WWOX: variants seen among roughly 807,000 people sequenced by gnomAD.
The protein encoded by WWOX is WW domain-containing oxidoreductase.
In WWOX, 69 loss-of-function variants were observed where a neutral mutation model predicts 46.2. That is an observed-to-expected ratio of 1.49 (90% CI 1.23 to 1.82). WWOX has a LOEUF of 1.82. Among genes scored for constraint, WWOX ranks in the 40% most tolerant of loss-of-function variants. The pLI is 0.00. For missense variants in WWOX, 919 were observed against 542.6 expected, an observed-to-expected ratio of 1.69 and a Z score of -6.89; for synonymous variants, 359 against 202.6, an observed-to-expected ratio of 1.77 and a Z score of -6.56.
At chr16:78,854,881 C>G (rs917065955) in intron 8 of WWOX, among the ~76,000 whole-genome samples, 3 of 149,064 alleles carry the variant, frequency 2.0e-5, no homozygotes, top group Non-Finnish European at 4.4e-5. Context: ...CGCGCCAGCT[C>G]TATTTGCTGA....
intron 8 of WWOX, among the ~76,000 whole-genome samples, chr16:79,108,570 T>G (rs2049354677): frequency 6.6e-6 from 1 of 152,206 alleles, no homozygotes; most frequent in Non-Finnish European, 1.5e-5. Flanking sequence ...TAAGGGTGAT[T>G]GGCTATTTTC....
chr16:78,470,170 C>T (rs1186023768), intron 8 of WWOX, among the ~76,000 whole-genome samples: 1 of 152,208 alleles, frequency 6.6e-6, no homozygotes, highest in Non-Finnish European at 1.5e-5. Flanking sequence ...CAGCACTGCC[C>T]TGCTGTTGTC....
At chr16:78,217,769 A>G (rs1167242312) in intron 5 of WWOX, among the ~76,000 whole-genome samples, 4 of 152,112 alleles carry the variant, frequency 2.6e-5, no homozygotes, top group African/African-American at 9.7e-5. Context: ...ATATGGGGGT[A>G]TAGGGATAAA....
At chr16:78,384,995 G>A (rs1367827857) in intron 5 of WWOX, among the ~76,000 whole-genome samples, 1 of 152,136 alleles carries the variant, frequency 6.6e-6, no homozygotes, top group African/African-American at 2.4e-5. Context: ...TAAGCTGGGT[G>A]TGTTGGCACG....
intron 8 of WWOX, among the ~76,000 whole-genome samples, chr16:78,946,870 A>G (rs2045959329): frequency 6.6e-6 from 1 of 152,126 alleles, no homozygotes; most frequent in Admixed American, 6.5e-5. Context: ...CGTGGCAAGG[A>G]CAAGAGGACA....
At chr16:79,055,227 G>T in intron 8 of WWOX, among the ~76,000 whole-genome samples, 1 of 152,014 alleles carries the variant, frequency 6.6e-6, no homozygotes. Flanking sequence ...CTGTTATTTT[G>T]GTTTATATTG....
intron 8 of WWOX, among the ~76,000 whole-genome samples, chr16:78,780,613 G>C (rs998320674): frequency 1.3e-5 from 2 of 152,294 alleles, no homozygotes; most frequent in East Asian, 3.9e-4. Context: ...AGGAAAGACA[G>C]GGAAGACCAT....
chr16:78,680,771 G>T (rs1445994056), intron 8 of WWOX, among the ~76,000 whole-genome samples: 3 of 152,172 alleles, frequency 2.0e-5, no homozygotes, highest in African/African-American at 7.2e-5. Flanking sequence ...TGGGTATGGA[G>T]CACTTAGCCC....
chr16:78,510,574 C>T (rs1040548853), intron 8 of WWOX, among the ~76,000 whole-genome samples: 1 of 152,198 alleles, frequency 6.6e-6, no homozygotes, highest in African/African-American at 2.4e-5. Context: ...TGCACTTTCT[C>T]ATCAACTGCA....
intron 6 of WWOX, among the ~76,000 whole-genome samples, chr16:78,416,790 TAAC>T (rs1336226948): frequency 2.2e-4 from 34 of 152,268 alleles, no homozygotes; most frequent in Admixed American, 1.8e-3. Context: ...AGAGGAGAAA[TAAC>T]AATTATCTAA....
At chr16:78,888,544 A>C (rs2044517046) in intron 8 of WWOX, among the ~76,000 whole-genome samples, 1 of 152,180 alleles carries the variant, frequency 6.6e-6, no homozygotes, top group Non-Finnish European at 1.5e-5. Flanking sequence ...TGTCTTCCAG[A>C]ACTCAAAGAC....
chr16:78,147,471 T>A (rs2034238434), intron 4 of WWOX, among the ~76,000 whole-genome samples: 1 of 152,130 alleles, frequency 6.6e-6, no homozygotes, highest in South Asian at 2.1e-4. Flanking sequence ...TTACTAGCGA[T>A]GGAGAATGAA....
intron 8 of WWOX, among the ~76,000 whole-genome samples, chr16:78,750,952 C>T (rs1337362716): frequency 2.0e-5 from 3 of 152,060 alleles, no homozygotes; most frequent in Non-Finnish European, 2.9e-5. Flanking sequence ...CTGCCAAGAA[C>T]GTGAGTGCAG....
intron 8 of WWOX, among the ~76,000 whole-genome samples, chr16:79,168,798 G>C (rs939216260): frequency 1.3e-5 from 2 of 152,148 alleles, no homozygotes; most frequent in Non-Finnish European, 1.5e-5. Context: ...TTTGTATCCA[G>C]CTGAGATCCA....
intron 7 of WWOX, among the ~76,000 whole-genome samples, chr16:78,428,133 C>T (rs547254666): frequency 6.7e-4 from 102 of 152,196 alleles, no homozygotes; most frequent in Admixed American, 2.3e-3. Context: ...TTGTGAGGGG[C>T]GGGGGTCCCC....
chr16:78,773,240 A>C (rs1256042580), intron 8 of WWOX, among the ~76,000 whole-genome samples: 1 of 152,068 alleles, frequency 6.6e-6, no homozygotes, highest in Non-Finnish European at 1.5e-5. Context: ...GTAGAGCCCG[A>C]GTTTGTGTTC....
At chr16:78,977,823 C>G (rs960176283) in intron 8 of WWOX, among the ~76,000 whole-genome samples, 1 of 152,158 alleles carries the variant, frequency 6.6e-6, no homozygotes, top group East Asian at 1.9e-4. Flanking sequence ...ATCTGGGAAG[C>G]AGCAGACACA....
intron 8 of WWOX, among the ~76,000 whole-genome samples, chr16:78,808,075 C>A (rs1053268654): frequency 6.6e-6 from 1 of 152,212 alleles, no homozygotes; most frequent in African/African-American, 2.4e-5. Flanking sequence ...GCATCCCCTT[C>A]CCCATTTGGA....
At chr16:79,044,459 G>T (rs1267167885) in intron 8 of WWOX, among the ~76,000 whole-genome samples, 2 of 152,108 alleles carry the variant, frequency 1.3e-5, no homozygotes. Context: ...GGGGGAGCTG[G>T]TCATTTAAAA....
Sources: gnomAD v4.1 joint callset for allele counts (sites outside exome capture counted in the v4.1 genomes callset) on GRCh38, gnomAD v4.1.1 for gene constraint, MANE v1.5 for transcripts, NCBI Gene and HGNC (gene_info 2026-07-23, HGNC 2026-07-21) for gene names.